ELOVL5: variants seen among roughly 807,000 people sequenced by gnomAD.
ELOVL5 encodes the protein very long chain fatty acid elongase 5.
In ELOVL5, 8 loss-of-function variants were observed where a neutral mutation model predicts 38.6. That is an observed-to-expected ratio of 0.21 (90% CI 0.12 to 0.37). The LOEUF (loss-of-function observed/expected upper bound fraction) is 0.37. ELOVL5 is among the 10% of genes least tolerant of loss of function. ELOVL5 has a pLI of 1.00. For missense variants in ELOVL5, 280 were observed against 367.8 expected (o/e 0.76, Z 1.95); for synonymous variants, 127 against 133.7 (o/e 0.95, Z 0.34).
rs577192781 is a variant in ELOVL5, at chr6:53,348,229, G to C, written c.-9+588C>G. On this transcript the variant is annotated intron_variant, in intron 1 of 7. Coordinates refer to ENST00000304434, the MANE Select transcript of ELOVL5 (RefSeq NM_021814.5). ...GAGCTAGCAGGCTTCCCTCCGAGGG[G>C]CGGACGGAAGGTCCGCAGGGTTAAC... Among the ~76,000 whole-genome samples the C allele has an allele frequency of 1.2e-4, 18 of 152,344 alleles. No individual in the cohort carries two copies. In the South Asian group the frequency reaches 3.5e-3, roughly 30 times the overall value.
At chr6:53,347,857 G>T (rs1582011471) in intron 1 of ELOVL5, among the ~76,000 whole-genome samples, 2 of 152,330 alleles carry the variant, frequency 1.3e-5, no homozygotes, top group East Asian at 1.9e-4. Flanking sequence ...CGGAACGGTT[G>T]CAAGACGCAG....
intron 1 of ELOVL5, among the ~76,000 whole-genome samples, chr6:53,331,734 A>G (rs1376526612): frequency 6.6e-6 from 1 of 152,248 alleles, no homozygotes; most frequent in African/African-American, 2.4e-5. Flanking sequence ...TAAAATGGTC[A>G]TTTTGGAAAT....
chr6:53,339,273 C>A lies in ELOVL5; in HGVS notation c.-9+9544G>T, dbSNP rs140128377. 3.8e-3 allele frequency among the ~76,000 whole-genome samples: 585 copies of A among 152,310 alleles called. 2 individuals are homozygous for A. The highest frequency in any genetic ancestry group is 0.012 in the African/African-American group (517 of 41,574). Reference sequence around the variant, plus strand: ...TTCCATGTGAATATATAAGCCACCCCATGAATTTTGTGATTCTCTTATTTT... The same window carrying A: ...TTCCATGTGAATATATAAGCCACCCAATGAATTTTGTGATTCTCTTATTTT... On this transcript the variant is annotated intron_variant, in intron 1 of 7. Coordinates refer to ENST00000304434, the MANE Select transcript of ELOVL5 (RefSeq NM_021814.5).
At chr6:53,332,821 G>C (rs901892920) in intron 1 of ELOVL5, among the ~76,000 whole-genome samples, 1 of 152,176 alleles carries the variant, frequency 6.6e-6, no homozygotes, top group African/African-American at 2.4e-5. Context: ...TATCATGTAA[G>C]AGGTTCTTCA....
At chr6:53,311,077 G>A (rs995384159) in intron 1 of ELOVL5, among the ~76,000 whole-genome samples, 1 of 152,150 alleles carries the variant, frequency 6.6e-6, no homozygotes, top group Non-Finnish European at 1.5e-5. Context: ...AGGTGACTGG[G>A]TGGGCTCTTC....
chr6:53,294,235 T>C (rs1318742412), intron 2 of ELOVL5: 3 of 1,514,144 alleles, frequency 2.0e-6, no homozygotes, highest in African/African-American at 1.4e-5. Flanking sequence ...AGAGAATCCT[T>C]AGGATCTAGT....
intron 1 of ELOVL5, among the ~76,000 whole-genome samples, chr6:53,337,808 T>C (rs4562128): frequency 0.37 from 55,550 of 152,090 alleles, 11,301 homozygotes; most frequent in African/African-American, 0.56. Context: ...TGACATGCTA[T>C]GGAAGGCTGG....
chr6:53,321,688 ATTC>A (rs1196473947), intron 1 of ELOVL5, among the ~76,000 whole-genome samples: 1 of 152,220 alleles, frequency 6.6e-6, no homozygotes. Flanking sequence ...GAAGAAAAAA[ATTC>A]TTCATTAATT....
chr6:53,348,150 C>T (rs1769649681), intron 1 of ELOVL5, among the ~76,000 whole-genome samples: 1 of 152,154 alleles, frequency 6.6e-6, no homozygotes, highest in Admixed American at 6.5e-5. Context: ...CTCATCCCTC[C>T]CTGAGTACCA....
At chr6:53,297,890 T>A (rs957531447) in intron 1 of ELOVL5, among the ~76,000 whole-genome samples, 5 of 152,086 alleles carry the variant, frequency 3.3e-5, no homozygotes, top group African/African-American at 1.2e-4. Context: ...TTCTAGAAAA[T>A]CCTGGTGCTG....
intron 3 of ELOVL5, among the ~76,000 whole-genome samples, chr6:53,291,129 G>T (rs1046748847): frequency 3.3e-5 from 5 of 152,164 alleles, no homozygotes; most frequent in Admixed American, 3.3e-4. Context: ...GAGAAGGGTT[G>T]ATTCTGATTT....
In ELOVL5 at chr6:53,279,587, G is replaced by C. The variant is rs191559211; in HGVS notation, c.247-3331C>G. Among the ~76,000 whole-genome samples, 31 of 152,332 alleles carry C rather than the reference G, an allele frequency of 2.0e-4. No individual in the cohort carries two copies. In the East Asian group the frequency reaches 5.2e-3, roughly 26 times the overall value. On this transcript the variant is annotated intron_variant, in intron 3 of 7. Coordinates refer to ENST00000304434, the MANE Select transcript of ELOVL5 (RefSeq NM_021814.5). ...TCAAACAAATATTTGCTAAACAAAT[G>C]ACAAAGAGTTCAAGACTGCCAATTC...
At chr6:53,299,622 A>G (rs1476207901) in intron 1 of ELOVL5, among the ~76,000 whole-genome samples, 2 of 152,240 alleles carry the variant, frequency 1.3e-5, no homozygotes, top group African/African-American at 4.8e-5. Flanking sequence ...CAGGCTACCA[A>G]AAGAGACTGT....
rs749262790 is a variant in ELOVL5, at chr6:53,269,106, G to A, written c.*21C>T. ...GCTTACAATCAGATGACGTGGTTTG[G>A]AGGGTTTCAATTCTTTGACTTCAAT... On this transcript the variant is annotated 3_prime_UTR_variant, in exon 8 of 8. Transcript: ENST00000304434. 6.2e-7 allele frequency: 1 copy of A among 1,610,964 alleles called. No individual in the cohort carries two copies. The highest frequency in any genetic ancestry group is 8.5e-7 in the Non-Finnish European group (1 of 1,178,918).
chr6:53,290,574 T>C (rs1400992060), intron 3 of ELOVL5: 1 of 152,240 alleles, frequency 6.6e-6, no homozygotes, highest in African/African-American at 2.4e-5. Flanking sequence ...AAAGGAGTTG[T>C]AAGCATTTCT....
chr6:53,347,927 G>A (rs1428145923), intron 1 of ELOVL5, among the ~76,000 whole-genome samples: 1 of 152,132 alleles, frequency 6.6e-6, no homozygotes, highest in East Asian at 1.9e-4. Context: ...GGTGGGGTGG[G>A]AGAGTCTTAC....
At chr6:53,297,708 A>G (rs1227928848) in intron 1 of ELOVL5, among the ~76,000 whole-genome samples, 2 of 152,154 alleles carry the variant, frequency 1.3e-5, no homozygotes, top group East Asian at 3.8e-4. Context: ...AAACCACTAT[A>G]TATAATATAG....
rs761357278 is a variant in ELOVL5, at chr6:53,295,711, T to C, written c.-8-4A>G. 5.1e-6 allele frequency: 8 copies of C among 1,557,846 alleles called. No homozygotes were observed. In the South Asian group the frequency reaches 7.2e-5, roughly 14 times the overall value. On this transcript the variant is annotated splice_region_variant and splice_polypyrimidine_tract_variant and intron_variant, in intron 1 of 7. Transcript: ENST00000304434. ...TCAAAATGTTCCATTTGAAAACCTA[T>C]TAAGAAAAAAAAAGATACTGATTAA...
At chr6:53,285,164 G>A (rs1766520702) in intron 3 of ELOVL5, among the ~76,000 whole-genome samples, 1 of 152,184 alleles carries the variant, frequency 6.6e-6, no homozygotes, top group Admixed American at 6.5e-5. Context: ...TGGGCCTCTC[G>A]TACCAGGTTA....
Sources: gnomAD v4.1 joint callset for allele counts (sites outside exome capture counted in the v4.1 genomes callset) on GRCh38, gnomAD v4.1.1 for gene constraint, MANE v1.5 for transcripts, NCBI Gene and HGNC (gene_info 2026-07-23, HGNC 2026-07-21) for gene names.